Variants in HSD17B11 observed in about 807,000 individuals in gnomAD.
HSD17B11 encodes the protein estradiol 17-beta-dehydrogenase 11.
Under a neutral mutation model 27.8 loss-of-function variants are expected in HSD17B11, and 22 were observed. The observed-to-expected ratio is 0.79, with a 90% CI of 0.56 to 1.13. HSD17B11 has a LOEUF of 1.13. Among genes scored for constraint, HSD17B11 ranks in the 50% most tolerant of loss-of-function variants. HSD17B11 has a pLI of 0.00. For synonymous variants in HSD17B11, 117 were observed against 132.8 expected (o/e 0.88, Z 0.82); for missense variants, 314 against 351.1 (o/e 0.89, Z 0.84).
chr4:87,361,057 G>C, intron 4 of HSD17B11, among the ~76,000 whole-genome samples: 1 of 152,070 alleles, frequency 6.6e-6, no homozygotes, highest in South Asian at 2.1e-4. Context: ...TCTTAAATAG[G>C]AGCTGGGTAA....
At chr4:87,382,098 G>A (rs546176310) in intron 2 of HSD17B11, among the ~76,000 whole-genome samples, 157 bp downstream of exon 2, 8 of 152,218 alleles carry the variant, frequency 5.3e-5, no homozygotes, top group East Asian at 3.9e-4. Flanking sequence ...TTCAGTTCTC[G>A]GTTCTAGTTT....
At chr4:87,358,526 T>C (rs1735436185) in intron 4 of HSD17B11, among the ~76,000 whole-genome samples, 2 of 152,226 alleles carry the variant, frequency 1.3e-5, no homozygotes, top group African/African-American at 4.8e-5. Flanking sequence ...AGATATAAAT[T>C]CATATGTCAC....
intron 4 of HSD17B11, among the ~76,000 whole-genome samples, chr4:87,370,988 G>A (rs1735706290): frequency 7.5e-6 from 1 of 132,612 alleles, no homozygotes; most frequent in South Asian, 2.2e-4. Context: ...TCCTGACCTC[G>A]TGATCCGCCC....
chr4:87,384,613 C>G (rs4257627), intron 1 of HSD17B11, among the ~76,000 whole-genome samples: 32 of 152,056 alleles, frequency 2.1e-4, no homozygotes, highest in Non-Finnish European at 4.0e-4. Context: ...TGGGAATGTC[C>G]GTCCTATGTG....
chr4:87,354,944 G>A lies in HSD17B11; in HGVS notation c.695+2335C>T, dbSNP rs1188842217. ...AGCCTGGGCAAACAGCAAAATCCTG[G>A]CTCTCAAAAAAAAAAAAAAAAAAAA... On this transcript the variant is annotated intron_variant, in intron 5 of 6. Transcript: ENST00000358290. Among the ~76,000 whole-genome samples, 3 of 102,408 alleles carry A rather than the reference G, an allele frequency of 2.9e-5. No homozygotes were observed. In the East Asian group the frequency reaches 6.9e-4, roughly 24 times the overall value. The allele number at this position is 102,408 out of a possible 152,430, so 67.2% of individuals were successfully genotyped here. A position where few individuals can be genotyped will look rare whatever the true frequency, so the allele number is the denominator to read the frequency against.
rs1560769665 is a variant in HSD17B11, at chr4:87,378,947, TTTATATATATATA to T, written c.318+3295_318+3307del. Among the ~76,000 whole-genome samples the T allele has an allele frequency of 5.4e-3, 120 of 22,150 alleles. 8 individuals carry two copies. Among genetic ancestry groups the T allele is most frequent in the Admixed American group, 0.014 (17 of 1,212 alleles). 14.5% of individuals were successfully genotyped at this position (22,150 alleles called of 152,430 possible). A position where few individuals can be genotyped will look rare whatever the true frequency, so the allele number is the denominator to read the frequency against. ...ATATATAAATATATATATATATATA[TTTATATATATATA>T]TTTTTTTTTTTTTTTGAGATGGTGT... is the stretch of plus-strand genomic sequence containing the variant. On this transcript the variant is annotated intron_variant, in intron 2 of 6. Transcript: ENST00000358290.
intron 2 of HSD17B11, among the ~76,000 whole-genome samples, chr4:87,379,525 A>G (rs1056901629): frequency 5.5e-5 from 8 of 146,714 alleles, no homozygotes; most frequent in African/African-American, 2.0e-4. Flanking sequence ...ATATGTACAT[A>G]TATACATATA....
chr4:87,387,293 A>G (rs1410245088), intron 1 of HSD17B11: 1 of 152,244 alleles, frequency 6.6e-6, no homozygotes, highest in Non-Finnish European at 1.5e-5. Flanking sequence ...TGACACCACC[A>G]TTAATTCTTC....
chr4:87,374,925 GCT>G (rs1229516223), intron 2 of HSD17B11, 95 bp from the exon 3 acceptor site: 94 of 917,236 alleles, frequency 1.0e-4, no homozygotes, highest in Admixed American at 4.0e-4. Context: ...ACGGATTCTT[GCT>G]CTGTTGCCCA....
At chr4:87,370,494 C>A (rs994939878) in intron 4 of HSD17B11, among the ~76,000 whole-genome samples, 2 of 151,962 alleles carry the variant, frequency 1.3e-5, no homozygotes, top group Non-Finnish European at 2.9e-5. Flanking sequence ...CAGCTCACTG[C>A]AACCTCTGCC....
intron 5 of HSD17B11, among the ~76,000 whole-genome samples, chr4:87,346,074 T>C (rs983772022): frequency 6.6e-6 from 1 of 152,156 alleles, no homozygotes; most frequent in African/African-American, 2.4e-5. Context: ...AGCATTATAT[T>C]AAAATAACTA....
intron 4 of HSD17B11, among the ~76,000 whole-genome samples, chr4:87,367,550 C>A (rs572956265): frequency 3.3e-4 from 51 of 152,250 alleles, no homozygotes; most frequent in African/African-American, 1.2e-3. Context: ...GCACTTTATA[C>A]AAATAATCAG....
intron 5 of HSD17B11, among the ~76,000 whole-genome samples, chr4:87,355,886 AGAGT>A (rs1291824538): frequency 3.1e-5 from 3 of 96,396 alleles, no homozygotes; most frequent in Non-Finnish European, 8.6e-5. Context: ...CCTGGGCAAC[AGAGT>A]GAAACCCTGT....
intron 1 of HSD17B11, among the ~76,000 whole-genome samples, chr4:87,390,323 A>AT (rs1232763923): frequency 5.1e-4 from 77 of 151,258 alleles, no homozygotes; most frequent in Middle Eastern, 6.8e-3. Flanking sequence ...CGCCCGGCTA[A>AT]TTTTTTTTTG....
intron 1 of HSD17B11, among the ~76,000 whole-genome samples, chr4:87,383,594 T>C (rs78373385): frequency 6.6e-6 from 1 of 152,294 alleles, no homozygotes; most frequent in South Asian, 2.1e-4. Flanking sequence ...CGCTGCCACA[T>C]GTCAGACAGA....
rs190751067 is a variant in HSD17B11 at position 87,389,334 on chromosome 4, T to C, written c.210+1527A>G. Among the ~76,000 whole-genome samples the C allele has an allele frequency of 3.1e-3, 477 of 152,298 alleles. 2 individuals are homozygous for C. The highest frequency in any genetic ancestry group is 0.01 in the African/African-American group (433 of 41,556). On this transcript the variant is annotated intron_variant, in intron 1 of 6. Transcript: ENST00000358290. The stretch of plus-strand genomic sequence containing the variant: ...GCCTCCCAGGTTCAAGCAGTTCTCC[T>C]GCCTCAGCCTCATGAGTAGCTGGGA...
intron 4 of HSD17B11, among the ~76,000 whole-genome samples, chr4:87,364,065 C>A (rs1301978952): frequency 1.3e-5 from 2 of 152,078 alleles, no homozygotes; most frequent in African/African-American, 4.8e-5. Flanking sequence ...TTTAAAAGGC[C>A]TTTATGTTTT....
At chr4:87,337,588 G>T (rs993639057) in intron 6 of HSD17B11, among the ~76,000 whole-genome samples, 2 of 152,092 alleles carry the variant, frequency 1.3e-5, no homozygotes, top group Non-Finnish European at 2.9e-5. Flanking sequence ...AGAATAACCT[G>T]AAGTAGTCAG....
intron 5 of HSD17B11, among the ~76,000 whole-genome samples, chr4:87,356,607 A>G (rs865990479): frequency 1.3e-5 from 2 of 152,238 alleles, no homozygotes; most frequent in African/African-American, 2.4e-5. Context: ...AAATTAAAAA[A>G]GAAACTTTTC....
Sources: gnomAD v4.1 joint callset for allele counts (sites outside exome capture counted in the v4.1 genomes callset) on GRCh38, gnomAD v4.1.1 for gene constraint, MANE v1.5 for transcripts, NCBI Gene and HGNC (gene_info 2026-07-23, HGNC 2026-07-21) for gene names.